Variants in PHF6 observed in about 807,000 individuals in gnomAD.
The protein encoded by PHF6 is PHD-like zinc finger protein.
A neutral mutation model predicts 34.0 loss-of-function variants in PHF6; 7 were observed. That is an observed-to-expected ratio of 0.21 (90% CI 0.12 to 0.39). The LOEUF is 0.39. PHF6 is among the 10% of genes least tolerant of loss of function. The pLI is 1.00. For synonymous variants in PHF6, 89 were observed against 88.4 expected (o/e 1.01, Z -0.04); for missense variants, 128 against 262.8 (o/e 0.49, Z 3.55).
chrX:134,411,135 G>A (rs6634980), intron 5 of PHF6, among the ~76,000 whole-genome samples: 32,666 of 108,028 alleles, frequency 0.3, 4,333 homozygotes, highest in East Asian at 0.65. Flanking sequence ...TATTTTTAGT[G>A]GAGATGGGGT....
chrX:134,411,414 T>A lies in PHF6; in HGVS notation c.419-2077T>A, dbSNP rs188488697. On this transcript the variant is annotated intron_variant, in intron 5 of 10. Coordinates refer to ENST00000370803, the MANE Select transcript of PHF6 (RefSeq NM_001015877.2). ...TATGACATGTGGGAAACTAATCATG[T>A]TGGCTTGATAATGGAATCAGTTCTT... Among the ~76,000 whole-genome samples the A allele has an allele frequency of 1.7e-4, 19 of 111,484 alleles. No individual in the cohort carries two copies. In the East Asian group the frequency reaches 5.3e-3, roughly 31 times the overall value.
Position 134,428,746 on chromosome X carries a change from A to G in PHF6, c.*3086A>G. 1 of 137,378 alleles carries G rather than the reference A, an allele frequency of 7.3e-6. No homozygotes were observed. The allele number at this position is 137,378 out of a possible 1,213,427, so 11.3% of individuals were successfully genotyped here. A position where few individuals can be genotyped will look rare whatever the true frequency, so the allele number is the denominator to read the frequency against. ...GTAGTATTAGTTTCCTTTTATTGGT[A>G]TTCTTGCATATACTATTCATTCAAT... On this transcript the variant is annotated 3_prime_UTR_variant, in exon 11 of 11. Transcript: ENST00000370803.
intron 9 of PHF6, among the ~76,000 whole-genome samples, chrX:134,420,581 C>T (rs901527798): frequency 4.6e-5 from 5 of 109,536 alleles, no homozygotes; most frequent in African/African-American, 6.7e-5. Context: ...AAAAAAAACA[C>T]ACAAAGCTTT....
intron 5 of PHF6, among the ~76,000 whole-genome samples, chrX:134,396,446 T>G (rs1346047174): frequency 9.0e-6 from 1 of 111,695 alleles, no homozygotes; most frequent in Non-Finnish European, 1.9e-5. Flanking sequence ...TTTGGCCATG[T>G]TTTAGCACTG....
intron 3 of PHF6, among the ~76,000 whole-genome samples, chrX:134,390,966 C>CTTTTTT (rs60513999): frequency 4.3e-5 from 4 of 92,808 alleles, no homozygotes; most frequent in South Asian, 5.0e-4. Context: ...TTCTTTTTTT[C>CTTTTTT]TTTTTTTTTT....
chrX:134,390,208 G>A (rs575643237), intron 3 of PHF6, among the ~76,000 whole-genome samples: 2 of 111,675 alleles, frequency 1.8e-5, no homozygotes, highest in South Asian at 7.4e-4. Context: ...GCTTTATTAT[G>A]GATAATTTTT....
At chrX:134,406,378 C>A (rs1018400579) in intron 5 of PHF6, among the ~76,000 whole-genome samples, 3 of 111,504 alleles carry the variant, frequency 2.7e-5, no homozygotes, top group Non-Finnish European at 5.6e-5. Flanking sequence ...CAAGTTAAGA[C>A]CTAGTAAGTG....
chrX:134,378,355 T>C (rs1271640321), intron 3 of PHF6, among the ~76,000 whole-genome samples: 1 of 111,849 alleles, frequency 8.9e-6, no homozygotes, highest in Non-Finnish European at 1.9e-5. Context: ...TAAAATCTTT[T>C]TGGAGGCTGT....
At chrX:134,375,794 A>C (rs961187567) in intron 1 of PHF6, among the ~76,000 whole-genome samples, 1 of 112,488 alleles carries the variant, frequency 8.9e-6, no homozygotes, top group African/African-American at 3.2e-5. Context: ...AAATTTGGGC[A>C]GGTATACTCT....
intron 5 of PHF6, among the ~76,000 whole-genome samples, chrX:134,408,934 G>A (rs996949602): frequency 2.2e-4 from 24 of 111,418 alleles, no homozygotes; most frequent in Non-Finnish European, 4.0e-4. Flanking sequence ...GGCTGGCCTC[G>A]AACTCCTGAC....
At chrX:134,395,198 T>A (rs2124222560) in intron 5 of PHF6, among the ~76,000 whole-genome samples, 1 of 112,342 alleles carries the variant, frequency 8.9e-6, no homozygotes, top group Admixed American at 9.4e-5. Context: ...CTTGATACTG[T>A]CATATTATAA....
intron 5 of PHF6, among the ~76,000 whole-genome samples, chrX:134,411,439 T>C (rs897464543): frequency 9.0e-5 from 10 of 111,001 alleles, no homozygotes; most frequent in Admixed American, 9.6e-5. Context: ...AATCAGTTCT[T>C]AAGTAATTTT....
At chrX:134,378,331 T>G (rs1215484062) in intron 3 of PHF6, among the ~76,000 whole-genome samples, 1 of 111,820 alleles carries the variant, frequency 8.9e-6, no homozygotes, top group Non-Finnish European at 1.9e-5. Flanking sequence ...TTTTTTTTGC[T>G]TTTCAAAGAG....
Position 134,427,414 on chromosome X carries a change from C to G in PHF6, c.*1754C>G, listed in dbSNP as rs1260081669. 2 of 157,982 alleles carry G rather than the reference C, an allele frequency of 1.3e-5. No individual in the cohort carries two copies. The highest frequency in any genetic ancestry group is 2.5e-5 in the Non-Finnish European group (2 of 81,513). The allele number at this position is 157,982 out of a possible 1,213,427, so 13.0% of individuals were successfully genotyped here. A position where few individuals can be genotyped will look rare whatever the true frequency, so the allele number is the denominator to read the frequency against. On this transcript the variant is annotated 3_prime_UTR_variant, in exon 11 of 11. Transcript: ENST00000370803. ...AATCCTTAAATCACTGTGTCTAGAT[C>G]ATTTTTTACATTGTGTGCCATAGAC...
chrX:134,398,068 T>G (rs1445455643), intron 5 of PHF6, among the ~76,000 whole-genome samples: 3 of 111,694 alleles, frequency 2.7e-5, no homozygotes, highest in Non-Finnish European at 3.8e-5. Flanking sequence ...ACTTGATGCT[T>G]CCAAGGAATT....
intron 5 of PHF6, among the ~76,000 whole-genome samples, chrX:134,402,289 T>C (rs1024577131): frequency 8.9e-6 from 1 of 112,578 alleles, no homozygotes; most frequent in Non-Finnish European, 1.9e-5. Flanking sequence ...CCACCGCACC[T>C]GGCCACAGTT....
In PHF6 at chrX:134,402,569, T is replaced by A. The variant is rs751962215; in HGVS notation, c.418+8617T>A. 8.9e-5 allele frequency among the ~76,000 whole-genome samples: 10 copies of A among 111,888 alleles called. No homozygotes were observed. The South Asian group carries it at 1.1e-3, about 13-fold the overall frequency. On this transcript the variant is annotated intron_variant, in intron 5 of 10. Transcript: ENST00000370803. ...ATCTGTAAAATTTGGGGGATTTTTT[T>A]AAAAACCTACCTCATAGGATTATTC... is the stretch of plus-strand genomic sequence containing the variant.
chrX:134,411,894 G>A (rs909001905), intron 5 of PHF6, among the ~76,000 whole-genome samples: 3 of 110,808 alleles, frequency 2.7e-5, no homozygotes, highest in Admixed American at 9.6e-5. Flanking sequence ...CACCACACCC[G>A]GCTAATTTTT....
rs1391465835 is a variant in PHF6 at position 134,377,843 on chromosome X, A to C, written c.138+88A>C. The C allele has an allele frequency of 3.6e-5, 38 of 1,056,273 alleles. No individual in the cohort carries two copies. In the East Asian group the frequency reaches 3.6e-4, roughly 10 times the overall value. The allele number at this position is 1,056,273 out of a possible 1,213,427, so 87.0% of individuals were successfully genotyped here. ...ATGTTCCTGAATACTAAAAAAAAAAACAAAAACCAAAAAAAACTCAGTTAA... is the reference window on the plus strand; with the variant it reads ...ATGTTCCTGAATACTAAAAAAAAAACCAAAAACCAAAAAAAACTCAGTTAA... On this transcript the variant is annotated intron_variant, in intron 2 of 10. Coordinates refer to ENST00000370803, the MANE Select transcript of PHF6 (RefSeq NM_001015877.2).
Sources: gnomAD v4.1 joint callset for allele counts (sites outside exome capture counted in the v4.1 genomes callset) on GRCh38, gnomAD v4.1.1 for gene constraint, MANE v1.5 for transcripts, NCBI Gene and HGNC (gene_info 2026-07-23, HGNC 2026-07-21) for gene names.